Variants in SLC45A4 observed in about 807,000 individuals in gnomAD.
SLC45A4 encodes polyamine-transporter SLC45A4.
In SLC45A4, 32 loss-of-function variants were observed where a neutral mutation model predicts 63.7. The observed-to-expected ratio is 0.50, with a 90% CI of 0.38 to 0.67. SLC45A4 has a LOEUF of 0.67. Among genes scored for constraint, SLC45A4 ranks in the 30% least tolerant of loss-of-function variants. The probability of loss-of-function intolerance (pLI) is 0.00; values close to 1 mark genes in which losing one functional copy is unlikely to be tolerated. For synonymous variants in SLC45A4, 535 were observed against 510.0 expected (o/e 1.05, Z -0.66); for missense variants, 1,027 against 1,157.7 (o/e 0.89, Z 1.64).
chr8:141,247,825 T>C (rs932191915), intron 2 of SLC45A4, among the ~76,000 whole-genome samples: 6 of 152,236 alleles, frequency 3.9e-5, no homozygotes, highest in African/African-American at 1.2e-4. Context: ...TGGAACAGAA[T>C]AGTGCCTAGA....
chr8:141,232,209 A>C (rs1216106425), intron 2 of SLC45A4, among the ~76,000 whole-genome samples: 1 of 152,190 alleles, frequency 6.6e-6, no homozygotes, highest in Non-Finnish European at 1.5e-5. Flanking sequence ...GCTCCCACAC[A>C]TGGGGCCGGG....
chr8:141,232,861 C>T (rs1024531655), intron 2 of SLC45A4, among the ~76,000 whole-genome samples: 12 of 152,226 alleles, frequency 7.9e-5, no homozygotes, highest in Non-Finnish European at 1.3e-4. Context: ...TGAACGCTCA[C>T]GACCAGCTTG....
chr8:141,217,517 G>A (rs1274625713), intron 5 of SLC45A4, among the ~76,000 whole-genome samples: 1 of 152,244 alleles, frequency 6.6e-6, no homozygotes, highest in African/African-American at 2.4e-5. Context: ...CGGAGCCACT[G>A]CATGGAGCAG....
chr8:141,304,300 T>G (rs966891177), intron 1 of SLC45A4, among the ~76,000 whole-genome samples: 3 of 151,702 alleles, frequency 2.0e-5, no homozygotes, highest in African/African-American at 7.3e-5. Context: ...GGAGAGAGAC[T>G]ATAATGCCAG....
chr8:141,211,728 T>C, intron 8 of SLC45A4, 31 bp from the exon 9 acceptor site: 1 of 1,512,202 alleles, frequency 6.6e-7, no homozygotes, highest in Non-Finnish European at 8.8e-7. Flanking sequence ...AAAAATATTT[T>C]AGTCACTGAC....
At chr8:141,272,826 G>A (rs747029555) in intron 1 of SLC45A4, among the ~76,000 whole-genome samples, 2 of 152,084 alleles carry the variant, frequency 1.3e-5, no homozygotes, top group Non-Finnish European at 2.9e-5. Context: ...GAAAGTAAAC[G>A]CAACAGTGTA....
chr8:141,267,083 G>C (rs1171355334), intron 1 of SLC45A4, among the ~76,000 whole-genome samples: 1 of 152,258 alleles, frequency 6.6e-6, no homozygotes, highest in Non-Finnish European at 1.5e-5. Flanking sequence ...GCAGGACGGG[G>C]CAGGTGACCT....
In SLC45A4 at chr8:141,229,274, G is replaced by T. The variant is rs575248648; in HGVS notation, c.242-7509C>A. Among the ~76,000 whole-genome samples the T allele has an allele frequency of 4.6e-5, 7 of 151,954 alleles. No individual in the cohort carries two copies. Among genetic ancestry groups the T allele is most frequent in the African/African-American group, 1.2e-4 (5 of 41,330 alleles). On this transcript the variant is annotated intron_variant, in intron 2 of 8. Transcript: ENST00000517878. This position sits in a 1 kb window ranked among gnomAD's most constrained non-coding sequence, Gnocchi z 5.0. ...CTAAAACCCACTGCTTGCACCTGCCGTGGCGTCCAGGGCCCTCAAAGTCCT... is the reference window on the plus strand; with the variant it reads ...CTAAAACCCACTGCTTGCACCTGCCTTGGCGTCCAGGGCCCTCAAAGTCCT...
At chr8:141,235,312 G>A (rs1364273592) in intron 2 of SLC45A4, among the ~76,000 whole-genome samples, 1 of 152,188 alleles carries the variant, frequency 6.6e-6, no homozygotes, top group Admixed American at 6.5e-5. Context: ...TAAATCATGA[G>A]CGTCAGGTTA....
chr8:141,306,196 G>A (rs1785387050), intron 1 of SLC45A4, among the ~76,000 whole-genome samples: 1 of 152,148 alleles, frequency 6.6e-6, no homozygotes, highest in African/African-American at 2.4e-5. Flanking sequence ...GGTGGCCCTG[G>A]GCAGCCTCCC....
At chr8:141,264,280 T>C (rs532062449) in intron 1 of SLC45A4, among the ~76,000 whole-genome samples, 1 of 152,244 alleles carries the variant, frequency 6.6e-6, no homozygotes, top group African/African-American at 2.4e-5. Context: ...GGTGTTGCAG[T>C]ATGATTGATC....
chr8:141,272,380 T>G (rs972664904), intron 1 of SLC45A4, among the ~76,000 whole-genome samples: 35 of 152,224 alleles, frequency 2.3e-4, no homozygotes, highest in Non-Finnish European at 3.7e-4. Context: ...TGTCTCCCAG[T>G]GCACCCAGAA....
intron 2 of SLC45A4, among the ~76,000 whole-genome samples, chr8:141,253,588 G>T (rs900161264): frequency 6.6e-6 from 1 of 152,208 alleles, no homozygotes; most frequent in Admixed American, 6.5e-5. Flanking sequence ...GGCACAGAAG[G>T]GCTCCCGAAT....
In SLC45A4 at chr8:141,209,730, CTG is replaced by C. The variant is rs1825705738; in HGVS notation, c.*1840_*1841del. ...CGGCACGTTCATACCCTGACAGTGA[CTG>C]TGGCAAGGCCATGTGGAGGGCACTG... On this transcript the variant is annotated 3_prime_UTR_variant, in exon 9 of 9. Transcript: ENST00000517878. 1 of 152,324 alleles carries C rather than the reference CTG, an allele frequency of 6.6e-6. No homozygotes were observed. The highest frequency in any genetic ancestry group is 1.9e-4 in the East Asian group (1 of 5,206). The allele number at this position is 152,324 out of a possible 1,614,324, so 9.4% of individuals were successfully genotyped here. A position where few individuals can be genotyped will look rare whatever the true frequency, so the allele number is the denominator to read the frequency against.
chr8:141,243,151 C>T (rs911086382), intron 2 of SLC45A4, among the ~76,000 whole-genome samples: 3 of 152,338 alleles, frequency 2.0e-5, no homozygotes, highest in East Asian at 3.9e-4. Context: ...TCCTCCCCAC[C>T]GGGCCACCAG....
chr8:141,254,272 A>G lies in SLC45A4; in HGVS notation c.-43T>C, dbSNP rs1828666504. ...GTATTTATCTATATATTCTATCTATATAAATAATGCTTTCATATATCTGTA... is the reference window on the plus strand; with the variant it reads ...GTATTTATCTATATATTCTATCTATGTAAATAATGCTTTCATATATCTGTA... On this transcript the variant is annotated 5_prime_UTR_variant, in exon 2 of 9. Coordinates refer to ENST00000517878, the MANE Select transcript of SLC45A4 (RefSeq NM_001286646.2). The surrounding 1 kb of genome is among the most constrained non-coding windows in gnomAD (Gnocchi z 4.5). The G allele has an allele frequency of 6.9e-7, 1 of 1,451,704 alleles. No homozygotes were observed. The highest frequency in any genetic ancestry group is 1.4e-5 in the African/African-American group (1 of 69,756). The allele number at this position is 1,451,704 out of a possible 1,614,324, so 89.9% of individuals were successfully genotyped here. A position where few individuals can be genotyped will look rare whatever the true frequency, so the allele number is the denominator to read the frequency against.
At chr8:141,272,447 C>T (rs544480463) in intron 1 of SLC45A4, among the ~76,000 whole-genome samples, 2 of 152,334 alleles carry the variant, frequency 1.3e-5, no homozygotes, top group Admixed American at 1.3e-4. Flanking sequence ...GCCCAGGCTA[C>T]CACGGGAGGG....
At chr8:141,240,309 T>G (rs1827849088) in intron 2 of SLC45A4, among the ~76,000 whole-genome samples, 1 of 152,234 alleles carries the variant, frequency 6.6e-6, no homozygotes, top group Non-Finnish European at 1.5e-5. Flanking sequence ...AAACTGAGAC[T>G]GCAACAAAAG....
At chr8:141,292,464 G>A (rs1005462773) in intron 1 of SLC45A4, among the ~76,000 whole-genome samples, 13 of 152,244 alleles carry the variant, frequency 8.5e-5, no homozygotes, top group South Asian at 4.1e-4. Flanking sequence ...CGCCCAGGGC[G>A]GGAGGCTGGC....
Sources: allele counts gnomAD v4.1 joint callset (sites outside exome capture counted in the v4.1 genomes callset), GRCh38; gene constraint gnomAD v4.1.1; non-coding constraint Gnocchi (gnomAD v3.1); transcripts MANE v1.5; gene names NCBI Gene and HGNC (gene_info 2026-07-23, HGNC 2026-07-21).